SH2D3C: variants seen among roughly 807,000 people sequenced by gnomAD.
SH2D3C encodes SH2 domain containing 3C, also known as SH2 domain-containing protein 3C.
A neutral mutation model predicts 75.2 loss-of-function variants in SH2D3C; 25 were observed. The observed-to-expected ratio is 0.33, with a 90% CI of 0.24 to 0.46. The LOEUF (loss-of-function observed/expected upper bound fraction) is 0.46. Among genes scored for constraint, SH2D3C ranks in the 20% least tolerant of loss-of-function variants. The pLI is 1.00. For missense variants in SH2D3C, 933 were observed against 1,165.3 expected, an observed-to-expected ratio of 0.80 and a Z score of 2.90; for synonymous variants, 450 against 473.7, an observed-to-expected ratio of 0.95 and a Z score of 0.65.
Position 127,744,732 on chromosome 9 carries a change from G to T in SH2D3C, c.1632C>A (p.Val544=), listed in dbSNP as rs745548014. 6.2e-7 allele frequency: 1 copy of T among 1,614,236 alleles called. No individual in the cohort carries two copies. Among genetic ancestry groups the T allele is most frequent in the South Asian group, 1.1e-5 (1 of 91,086 alleles). ...PEGDWGKTFT[V]PIVEVTSSFN... is the part of the protein sequence containing the mutation. The stretch of plus-strand genomic sequence containing the variant: ...AGGAAGAAGTGACTTCCACGATGGG[G>T]ACTGTGAAGGTCTTGCCCCAGTCCC... The change falls in exon 7 of 12, where the codon GTC becomes GTA. Residue 544 remains valine (V), a synonymous_variant. Coordinates refer to ENST00000314830, the MANE Select transcript of SH2D3C (RefSeq NM_170600.3).
At chr9:127,778,560 G>C (rs1432074063) in intron 1 of SH2D3C, 31 bp downstream of exon 1, 3 of 1,562,858 alleles carry the variant, frequency 1.9e-6, no homozygotes, top group Non-Finnish European at 2.6e-6. Flanking sequence ...GCCAGGGATG[G>C]AGGACAGTGC....
chr9:127,763,615 T>C (rs1845578495), intron 2 of SH2D3C, among the ~76,000 whole-genome samples: 1 of 152,194 alleles, frequency 6.6e-6, no homozygotes, highest in South Asian at 2.1e-4. Flanking sequence ...TTAGGCTGGG[T>C]CCAGGTTCTC....
chr9:127,742,677 A>C, intron 8 of SH2D3C, 172 bp downstream of exon 8: 1 of 556,216 alleles, frequency 1.8e-6, no homozygotes, highest in Non-Finnish European at 3.2e-6. Flanking sequence ...TTGGGAAATC[A>C]GCCTGTTTAG....
At chr9:127,742,381 C>G (rs930047205) in intron 8 of SH2D3C, among the ~76,000 whole-genome samples, 1 of 152,206 alleles carries the variant, frequency 6.6e-6, no homozygotes, top group Non-Finnish European at 1.5e-5. Context: ...GGATTACAGA[C>G]GCGCGCCACC....
In SH2D3C at chr9:127,738,996, C is replaced by G. The variant is rs550462360; in HGVS notation, c.2408-75G>C. The stretch of plus-strand genomic sequence containing the variant: ...GAGCCCTAGCATTCTTCAGGACCCC[C>G]CTGTTAGGGACCTCCCCTCAACTCC... On this transcript the variant is annotated intron_variant, in intron 11 of 11. Coordinates refer to ENST00000314830, the MANE Select transcript of SH2D3C (RefSeq NM_170600.3). This position sits in a 1 kb window ranked among gnomAD's most constrained non-coding sequence, Gnocchi z 5.0. The G allele has an allele frequency of 4.0e-5, 55 of 1,362,644 alleles. 1 individual carries two copies. In the African/African-American group the frequency reaches 7.3e-4, roughly 18 times the overall value. The allele number at this position is 1,362,644 out of a possible 1,614,324, so 84.4% of individuals were successfully genotyped here.
At chr9:127,762,434 C>T in intron 2 of SH2D3C, 1 of 658,912 alleles carries the variant, frequency 1.5e-6, no homozygotes, top group Non-Finnish European at 2.5e-6. Flanking sequence ...CCATCTACAA[C>T]TTGTGTATCC....
rs1844972563 is a variant in SH2D3C, at chr9:127,744,789, T to G, written c.1575A>C (p.Leu525=). 1 of 1,614,200 alleles carries G rather than the reference T, an allele frequency of 6.2e-7. No homozygotes were observed. Among genetic ancestry groups the G allele is most frequent in the East Asian group, 2.2e-5 (1 of 44,878 alleles). ...GGGCCCCATTTTCTGACAGTTCCTT[T>G]AGCCTCTCCCCATAGCTCCTGGCCT... ...SQQARSYGER[L]KELSENGAPE... is the part of the protein sequence containing the mutation. Residue 525 remains leucine, a synonymous_variant, in exon 7 of 12, where the codon CTA becomes CTC. Transcript: ENST00000314830.
intron 3 of SH2D3C, chr9:127,755,012 G>A (rs1343545749): frequency 5.3e-6 from 4 of 761,566 alleles, no homozygotes; most frequent in South Asian, 5.5e-5. Flanking sequence ...CTGGCTCTAG[G>A]GCCCCGGGCG....
chr9:127,739,985 C>A lies in SH2D3C; in HGVS notation c.2201-97G>T. ...GAGGTGCAGGAGGGAACGGGCCTGGCTGAGGTCCGGGAGAGAGCCCCAAGG... is the reference window on the plus strand; with the variant it reads ...GAGGTGCAGGAGGGAACGGGCCTGGATGAGGTCCGGGAGAGAGCCCCAAGG... On this transcript the variant is annotated intron_variant, in intron 10 of 11. Transcript: ENST00000314830. The surrounding 1 kb of genome is among the most constrained non-coding windows in gnomAD (Gnocchi z 4.3). The A allele has an allele frequency of 1.7e-6, 2 of 1,209,958 alleles. No individual in the cohort carries two copies. Among genetic ancestry groups the A allele is most frequent in the South Asian group, 3.2e-5 (2 of 62,924 alleles). The allele number at this position is 1,209,958 out of a possible 1,614,324, so 75.0% of individuals were successfully genotyped here.
chr9:127,753,229 T>A (rs567466683), intron 3 of SH2D3C, among the ~76,000 whole-genome samples: 9 of 151,678 alleles, frequency 5.9e-5, no homozygotes, highest in African/African-American at 1.9e-4. Flanking sequence ...TTCCAGGCAG[T>A]GGCAGGGCAG....
intron 3 of SH2D3C, among the ~76,000 whole-genome samples, chr9:127,758,071 C>A (rs533977946): frequency 6.6e-6 from 1 of 152,004 alleles, no homozygotes; most frequent in Non-Finnish European, 1.5e-5. Context: ...AGGCCCAAGG[C>A]CCCCAAAGTG....
intron 3 of SH2D3C, among the ~76,000 whole-genome samples, chr9:127,760,152 A>C (rs1321462959): frequency 1.3e-5 from 2 of 152,094 alleles, no homozygotes; most frequent in African/African-American, 2.4e-5. Flanking sequence ...ATAATAATAA[A>C]AATAAAAGTT....
chr9:127,748,639 T>C (rs1165360588), intron 5 of SH2D3C, among the ~76,000 whole-genome samples: 1 of 152,246 alleles, frequency 6.6e-6, no homozygotes, highest in East Asian at 1.9e-4. Flanking sequence ...ATTGGGCACA[T>C]ACAGCACTTA....
chr9:127,744,633 C>T lies in SH2D3C; in HGVS notation c.1731G>A (p.Lys577=). ...CCACTTCTGCCAGCAGCTCCTTGACCTTGCGCAGAAGGCCCACCTCCAGTG... is the reference window on the plus strand; with the variant it reads ...CCACTTCTGCCAGCAGCTCCTTGACTTTGCGCAGAAGGCCCACCTCCAGTG... ...NRPLEVGLLR[K]VKELLAEVDA... is the part of the protein sequence containing the mutation. The change falls in exon 7 of 12, where the codon AAG becomes AAA. Residue 577 remains lysine, a synonymous_variant. Transcript: ENST00000314830. 1 of 1,614,146 alleles carries T rather than the reference C, an allele frequency of 6.2e-7. No homozygotes were observed. The highest frequency in any genetic ancestry group is 8.5e-7 in the Non-Finnish European group (1 of 1,179,974).
chr9:127,749,525 G>T lies in SH2D3C; in HGVS notation c.825C>A (p.Gly275=). The change falls in exon 5 of 12, where the codon GGC becomes GGA. Residue 275 remains glycine, a synonymous_variant. Transcript: ENST00000314830. The surrounding 1 kb of genome is among the most constrained non-coding windows in gnomAD (Gnocchi z 5.9). ...GGTACTGGATGTGTGTGTAGCTCTC[G>T]CCTGCCTTCACCACCACCTTGTTGA... ...FKINKVVVKA[G]ESYTHIQYLF... is the part of the protein sequence containing the mutation. The T allele has an allele frequency of 1.9e-6, 3 of 1,613,928 alleles. No homozygotes were observed. Among genetic ancestry groups the T allele is most frequent in the Non-Finnish European group, 2.5e-6 (3 of 1,179,938 alleles).
intron 2 of SH2D3C, among the ~76,000 whole-genome samples, chr9:127,763,775 CA>C (rs1845581432): frequency 6.6e-6 from 1 of 152,138 alleles, no homozygotes; most frequent in South Asian, 2.1e-4. Flanking sequence ...GTCCTAAAGC[CA>C]AAAGCTCCTC....
chr9:127,769,120 G>A (rs1162901655), intron 2 of SH2D3C, among the ~76,000 whole-genome samples: 1 of 152,194 alleles, frequency 6.6e-6, no homozygotes, highest in Admixed American at 6.5e-5. Context: ...CCCTGGAATG[G>A]GGACTCCATG....
At chr9:127,755,314 CGGGGA>C in intron 3 of SH2D3C, 1 of 156,244 alleles carries the variant, frequency 6.4e-6, no homozygotes, top group Non-Finnish European at 1.3e-5. Context: ...GGAGGCGGGG[CGGGGA>C]GACCCCACCC....
In SH2D3C at chr9:127,774,540, G is replaced by T; in HGVS notation, c.38-73C>A. On this transcript the variant is annotated intron_variant, in intron 1 of 11. Coordinates refer to ENST00000314830, the MANE Select transcript of SH2D3C (RefSeq NM_170600.3). This position sits in a 1 kb window ranked among gnomAD's most constrained non-coding sequence, Gnocchi z 4.3. ...TCAGTGATAATAATGAACAATTCCT[G>T]CAGTTTCACTCGGTGAGGGGCTGAA... 4 of 837,354 alleles carry T rather than the reference G, an allele frequency of 4.8e-6. No homozygotes were observed. Among genetic ancestry groups the T allele is most frequent in the Non-Finnish European group, 8.0e-6 (4 of 501,604 alleles). The allele number at this position is 837,354 out of a possible 1,614,324, so 51.9% of individuals were successfully genotyped here. A position where few individuals can be genotyped will look rare whatever the true frequency, so the allele number is the denominator to read the frequency against.
Sources: gnomAD v4.1 joint callset for allele counts (sites outside exome capture counted in the v4.1 genomes callset) on GRCh38, gnomAD v4.1.1 for gene constraint, Gnocchi (gnomAD v3.1) non-coding constraint, MANE v1.5 for transcripts, NCBI Gene and HGNC (gene_info 2026-07-23, HGNC 2026-07-21) for gene names.